The following RARB variants were observed in gnomAD, a reference collection of about 807,000 sequenced individuals.
The protein encoded by RARB is retinoic acid receptor beta, also known as HBV-activated protein.
A neutral mutation model predicts 51.9 loss-of-function variants in RARB; 17 were observed. That is an observed-to-expected ratio of 0.33 (90% CI 0.22 to 0.49). The LOEUF (loss-of-function observed/expected upper bound fraction) is 0.49. Ranked by LOEUF, RARB falls within the 20% of genes least tolerant of loss-of-function variation. RARB has a pLI of 0.99. For synonymous variants in RARB, 215 were observed against 195.4 expected, an observed-to-expected ratio of 1.10 and a Z score of -0.84; for missense variants, 369 against 550.8, an observed-to-expected ratio of 0.67 and a Z score of 3.30.
At chr3:25,102,984 A>G (rs1007386609) in intron 3 of RARB, among the ~76,000 whole-genome samples, 2 of 152,194 alleles carry the variant, frequency 1.3e-5, no homozygotes, top group African/African-American at 4.8e-5. Flanking sequence ...CAGGAGGCAG[A>G]GGTTGCAGTG....
intron 2 of RARB, among the ~76,000 whole-genome samples, chr3:24,947,057 A>T (rs1695790543): frequency 6.6e-6 from 1 of 152,198 alleles, no homozygotes; most frequent in Non-Finnish European, 1.5e-5. Context: ...TGATGGAAGG[A>T]TTGAGGCTGC....
intron 2 of RARB, among the ~76,000 whole-genome samples, chr3:25,023,161 A>G (rs1697673612): frequency 6.6e-6 from 1 of 152,106 alleles, no homozygotes; most frequent in Non-Finnish European, 1.5e-5. Flanking sequence ...CTGGGTCTCA[A>G]GTCCATAGTA....
In RARB at chr3:25,543,963, A is replaced by T. The variant is rs553867977; in HGVS notation, c.449-25795A>T. Among the ~76,000 whole-genome samples the T allele has an allele frequency of 1.2e-4, 19 of 152,324 alleles. No homozygotes were observed. In the South Asian group the frequency reaches 2.1e-3, roughly 17 times the overall value. ...TAAAGAGTAATGAAAAATGTGTGTA[A>T]TCATGATGTATAAAGATGTTCATTG... On this transcript the variant is annotated intron_variant, in intron 3 of 7. Transcript: ENST00000330688.
chr3:25,155,310 C>T (rs1240150135), intron 4 of RARB, among the ~76,000 whole-genome samples: 1 of 152,142 alleles, frequency 6.6e-6, no homozygotes, highest in Non-Finnish European at 1.5e-5. Context: ...CACACGTAAA[C>T]TTTATTTGCA....
intron 5 of RARB, among the ~76,000 whole-genome samples, chr3:25,192,207 C>G (rs1701120477): frequency 6.6e-6 from 1 of 152,044 alleles, no homozygotes; most frequent in Non-Finnish European, 1.5e-5. Flanking sequence ...ACTAAATAAC[C>G]TCTCATAGTT....
chr3:25,079,569 A>G (rs1363397352), intron 3 of RARB, among the ~76,000 whole-genome samples: 1 of 152,102 alleles, frequency 6.6e-6, no homozygotes, highest in African/African-American at 2.4e-5. Flanking sequence ...CTCAATTTCT[A>G]GTTTGCTGAG....
chr3:25,273,920 C>T (rs750039452), intron 5 of RARB, among the ~76,000 whole-genome samples: 4 of 152,136 alleles, frequency 2.6e-5, no homozygotes, highest in Non-Finnish European at 5.9e-5. Flanking sequence ...ACCTCGTAGC[C>T]CATTCTCTAT....
intron 4 of RARB, among the ~76,000 whole-genome samples, chr3:25,145,764 T>G (rs1374806180): frequency 6.6e-6 from 1 of 151,998 alleles, no homozygotes; most frequent in Non-Finnish European, 1.5e-5. Flanking sequence ...ATCCTAGCAC[T>G]TTGGGTGGCT....
At chr3:25,364,623 A>C (rs1706054301) in intron 5 of RARB, among the ~76,000 whole-genome samples, 1 of 152,238 alleles carries the variant, frequency 6.6e-6, no homozygotes, top group African/African-American at 2.4e-5. Context: ...TGATGAAGTA[A>C]GAGAGCAATG....
chr3:24,838,072 G>A (rs1268127426), intron 1 of RARB, among the ~76,000 whole-genome samples: 2 of 152,174 alleles, frequency 1.3e-5, no homozygotes, highest in Non-Finnish European at 2.9e-5. Flanking sequence ...TCAGTTCCAT[G>A]TGGTTCTAAG....
chr3:25,345,439 G>A (rs1705360572), intron 5 of RARB, among the ~76,000 whole-genome samples: 1 of 152,086 alleles, frequency 6.6e-6, no homozygotes, highest in Non-Finnish European at 1.5e-5. Flanking sequence ...GGCTGAGGTG[G>A]GTGGATCACA....
intron 2 of RARB, among the ~76,000 whole-genome samples, chr3:24,881,771 G>A (rs1703171150): frequency 6.6e-6 from 1 of 152,130 alleles, no homozygotes. Flanking sequence ...AAGGCTCCCT[G>A]TGCAGAGTGG....
intron 5 of RARB, among the ~76,000 whole-genome samples, chr3:25,421,403 CTTTTTTTTTTTTTTTTTTT>C (rs766378555): frequency 4.1e-5 from 3 of 72,376 alleles, no homozygotes; most frequent in African/African-American, 1.9e-4. Flanking sequence ...TTCTTCTTTT[CTTTTTTTTTTTTTTTTTTT>C]TTTTTTTTTG....
intron 4 of RARB, among the ~76,000 whole-genome samples, chr3:25,134,116 C>T (rs577097802): frequency 2.6e-5 from 4 of 151,742 alleles, no homozygotes; most frequent in East Asian, 1.9e-4. Flanking sequence ...TTTTGTTAAC[C>T]GAATCTCTTT....
At chr3:24,880,120 A>G (rs1703130235) in intron 2 of RARB, among the ~76,000 whole-genome samples, 1 of 152,016 alleles carries the variant, frequency 6.6e-6, no homozygotes. Flanking sequence ...TAATTTTTAA[A>G]AGCATTTTAG....
intron 5 of RARB, among the ~76,000 whole-genome samples, chr3:25,251,169 T>C (rs1249108960): frequency 6.6e-6 from 1 of 152,188 alleles, no homozygotes; most frequent in African/African-American, 2.4e-5. Context: ...TATGTCAATA[T>C]ATTCAAGGTC....
chr3:25,295,178 T>A (rs146263923), intron 5 of RARB, among the ~76,000 whole-genome samples: 1 of 152,336 alleles, frequency 6.6e-6, no homozygotes, highest in African/African-American at 2.4e-5. Flanking sequence ...TTGTGCTTGC[T>A]TTGTGACTGT....
intron 2 of RARB, among the ~76,000 whole-genome samples, chr3:25,023,350 T>G (rs1289657275): frequency 3.9e-5 from 6 of 152,216 alleles, no homozygotes; most frequent in Non-Finnish European, 8.8e-5. Flanking sequence ...GGAGATTGAT[T>G]GATTAATGCG....
At chr3:24,829,796 G>C (rs569610401) in intron 1 of RARB, among the ~76,000 whole-genome samples, 1 of 152,322 alleles carries the variant, frequency 6.6e-6, no homozygotes, top group Non-Finnish European at 1.5e-5. Context: ...CTGCCAGCCG[G>C]ATCCGCCCCG....
Sources: gnomAD v4.1 joint callset for allele counts (sites outside exome capture counted in the v4.1 genomes callset) on GRCh38, gnomAD v4.1.1 for gene constraint, MANE v1.5 for transcripts, NCBI Gene and HGNC (gene_info 2026-07-23, HGNC 2026-07-21) for gene names.